The following PLXDC1 variants were observed in gnomAD, a reference collection of about 807,000 sequenced individuals.
PLXDC1 encodes plexin domain containing 1.
PLXDC1 carries 39 observed loss-of-function variants against 61.3 expected under a neutral mutation model. That is an observed-to-expected ratio of 0.64 (90% CI 0.49 to 0.83). The LOEUF (loss-of-function observed/expected upper bound fraction) is 0.83, where lower values mean the gene tolerates loss of function less well. Ranked by LOEUF, PLXDC1 falls within the 40% of genes least tolerant of loss-of-function variation. The pLI is 0.00. For missense variants in PLXDC1, 596 were observed against 666.5 expected (o/e 0.89, Z 1.17); for synonymous variants, 212 against 254.5 (o/e 0.83, Z 1.59).
intron 2 of PLXDC1, among the ~76,000 whole-genome samples, chr17:39,138,842 C>T (rs1245971526): frequency 1.3e-5 from 2 of 152,078 alleles, no homozygotes; most frequent in South Asian, 2.1e-4. Context: ...AATCCACCCT[C>T]ATCACTCCCA....
rs562679214 is a variant in PLXDC1, at chr17:39,106,540, T to C, written c.712-587A>G. On this transcript the variant is annotated intron_variant, in intron 6 of 13. Coordinates refer to ENST00000315392, the MANE Select transcript of PLXDC1 (RefSeq NM_020405.5). ...CTCACTATGTTCTCCAGACTGGTCT[T>C]GAACTTCTGGGTTAAAGCAATCTTC... Among the ~76,000 whole-genome samples the C allele has an allele frequency of 3.9e-5, 6 of 152,132 alleles. No individual in the cohort carries two copies. In the South Asian group the frequency reaches 1.2e-3, roughly 32 times the overall value.
intron 2 of PLXDC1, among the ~76,000 whole-genome samples, chr17:39,135,676 TAAAA>T (rs35762241): frequency 9.6e-6 from 1 of 104,394 alleles, no homozygotes; most frequent in Admixed American, 1.0e-4. Context: ...ACACTCCGTC[TAAAA>T]AAAAAAAAAA....
chr17:39,070,001 A>T lies in PLXDC1; in HGVS notation c.1238T>A (p.Leu413Gln). Residue 413 changes from leucine (L) to glutamine (Q), a missense_variant, in exon 13 of 14, where the codon CTG becomes CAG. Transcript: ENST00000315392. ...AGGAGTGCCCTTTGTCTTGGGGGAC[A>T]GGTTGTTCTGAAGGCCTGTGGAGAG... ...YAGGDGLQNN[L>Q]SPKTKGTPVH... 1.9e-6 allele frequency: 3 copies of T among 1,613,922 alleles called. No individual in the cohort carries two copies. The South Asian group carries it at 3.3e-5, about 18-fold the overall frequency.
At position 39,105,925 on chromosome 17, in the gene PLXDC1, G is replaced by A. The variant is rs1910575872; in HGVS notation, c.740C>T (p.Ser247Phe). Residue 247 changes from serine to phenylalanine, a missense_variant, in exon 7 of 14, where the codon TCC becomes TTC. Physicochemically the swap from Ser to Phe is radical, Grantham distance 155. Coordinates refer to ENST00000315392, the MANE Select transcript of PLXDC1 (RefSeq NM_020405.5). ...EIPMSVPEISSSQHPVKTGLS... is the reference protein window; with the variant it reads ...EIPMSVPEISFSQHPVKTGLS... ...GCCGGTTTTGACAGGATGCTGGGAGGAGCTGATTTCCGGGACAGACATAGG... is the reference window on the plus strand; with the variant it reads ...GCCGGTTTTGACAGGATGCTGGGAGAAGCTGATTTCCGGGACAGACATAGG... 1 of 1,613,984 alleles carries A rather than the reference G, an allele frequency of 6.2e-7. No homozygotes were observed. Among genetic ancestry groups the A allele is most frequent in the Non-Finnish European group, 8.5e-7 (1 of 1,179,864 alleles).
intron 9 of PLXDC1, chr17:39,081,221 T>TGCAAC (rs1909542576): frequency 6.6e-6 from 1 of 152,624 alleles, no homozygotes; most frequent in South Asian, 2.1e-4. Context: ...CAGACTATTC[T>TGCAAC]GCAACGCTCT....
intron 2 of PLXDC1, among the ~76,000 whole-genome samples, chr17:39,118,863 G>C (rs1224712860): frequency 6.6e-6 from 1 of 152,186 alleles, no homozygotes; most frequent in Admixed American, 6.5e-5. Context: ...CAGCAAGAGA[G>C]CTGAGTTGAA....
At chr17:39,089,410 G>A (rs908348650) in intron 7 of PLXDC1, among the ~76,000 whole-genome samples, 4 of 152,150 alleles carry the variant, frequency 2.6e-5, no homozygotes, top group African/African-American at 4.8e-5. Flanking sequence ...CCACAGTACC[G>A]GGCTCATGGG....
intron 7 of PLXDC1, among the ~76,000 whole-genome samples, chr17:39,094,797 C>T (rs893584754): frequency 4.6e-5 from 7 of 152,148 alleles, no homozygotes; most frequent in African/African-American, 7.2e-5. Context: ...CCCAGCCCAC[C>T]ACAAATTACT....
At chr17:39,077,604 T>C (rs1021360954) in intron 11 of PLXDC1, among the ~76,000 whole-genome samples, 6 of 152,212 alleles carry the variant, frequency 3.9e-5, no homozygotes, top group Admixed American at 1.3e-4. Flanking sequence ...AGATAAGGTA[T>C]ATAAAATACC....
At position 39,139,753 on chromosome 17, in the gene PLXDC1, AGGGCTCTCTC is replaced by A. The variant is rs1189424322; in HGVS notation, c.146_155del (p.Arg49LeufsTer12). ...TCCTGTCCGGCTCTGACACATGCCCAGGGCTCTCTCGGGCTCTCCGGTTCCAGCCCCGCAC... is the reference window on the plus strand; with the variant it reads ...TCCTGTCCGGCTCTGACACATGCCCAGGGCTCTCCGGTTCCAGCCCCGCAC... On this transcript the variant is annotated frameshift_variant, in exon 2 of 14. Coordinates refer to ENST00000315392, the MANE Select transcript of PLXDC1 (RefSeq NM_020405.5). LOFTEE classifies it high-confidence loss of function. The A allele has an allele frequency of 6.2e-7, 1 of 1,613,968 alleles. No individual in the cohort carries two copies. Among genetic ancestry groups the A allele is most frequent in the Admixed American group, 1.7e-5 (1 of 60,016 alleles).
At chr17:39,110,686 C>G (rs936470682) in intron 2 of PLXDC1, among the ~76,000 whole-genome samples, 6 of 152,208 alleles carry the variant, frequency 3.9e-5, no homozygotes, top group African/African-American at 1.2e-4. Context: ...GCAGAGTAAA[C>G]GACATTCTCC....
intron 7 of PLXDC1, among the ~76,000 whole-genome samples, chr17:39,099,051 C>T (rs1208265818): frequency 2.0e-5 from 3 of 152,116 alleles, no homozygotes; most frequent in Non-Finnish European, 4.4e-5. Context: ...GAGGACGAGG[C>T]TGGGAGCTGC....
intron 11 of PLXDC1, chr17:39,073,256 GGCTCAA>G (rs1235980659): frequency 6.6e-6 from 1 of 152,000 alleles, no homozygotes; most frequent in African/African-American, 2.4e-5. Context: ...CCAACTCGTG[GGCTCAA>G]GCAATCTTCT....
upstream of PLXDC1, among the ~76,000 whole-genome samples, chr17:39,151,831 G>T (rs1267135718): frequency 6.6e-6 from 1 of 152,106 alleles, no homozygotes; most frequent in Non-Finnish European, 1.5e-5. This position sits in a 1 kb window ranked among gnomAD's most constrained non-coding sequence, Gnocchi z 5.2. Flanking sequence ...GGAGCCCCTC[G>T]GGCTGAGAGA....
intron 3 of PLXDC1, 91 bp from the exon 4 acceptor site, chr17:39,109,064 G>A: frequency 1.6e-6 from 2 of 1,287,552 alleles, no homozygotes; most frequent in South Asian, 2.5e-5. Flanking sequence ...GGACAGAGTG[G>A]GGAGCAGGCA....
rs1908882536 is a variant in PLXDC1 at position 39,065,955 on chromosome 17, G to C, written c.*1885C>G. 6.6e-6 allele frequency: 1 copy of C among 152,304 alleles called. No homozygotes were observed. The highest frequency in any genetic ancestry group is 2.1e-4 in the South Asian group (1 of 4,836). The allele number at this position is 152,304 out of a possible 1,614,324, so 9.4% of individuals were successfully genotyped here. On this transcript the variant is annotated 3_prime_UTR_variant, in exon 14 of 14. Transcript: ENST00000315392. ...CAACCTGGTGTCTTTGGGCATCCTTGCCCTGGGCGACACAGTGAGACCCTG... is the reference window on the plus strand; with the variant it reads ...CAACCTGGTGTCTTTGGGCATCCTTCCCCTGGGCGACACAGTGAGACCCTG...
Position 39,070,130 on chromosome 17 carries a change from T to C in PLXDC1, c.1223-114A>G, listed in dbSNP as rs946317840. On this transcript the variant is annotated intron_variant, in intron 12 of 13. Transcript: ENST00000315392. ...GATGAAAGCCGACAGAGCCTTTGGG[T>C]CCACTTATCCAATACAGGAAGAGGT... 7.2e-6 allele frequency: 5 copies of C among 692,594 alleles called. No individual in the cohort carries two copies. In the East Asian group the frequency reaches 1.1e-4, roughly 15 times the overall value. 42.9% of individuals were successfully genotyped at this position (692,594 alleles called of 1,614,324 possible). A position where few individuals can be genotyped will look rare whatever the true frequency, so the allele number is the denominator to read the frequency against.
chr17:39,113,760 A>C (rs762795562), intron 2 of PLXDC1, among the ~76,000 whole-genome samples: 1 of 151,948 alleles, frequency 6.6e-6, no homozygotes, highest in Non-Finnish European at 1.5e-5. Context: ...CTGAGGCAGG[A>C]GGATCCCTTA....
At chr17:39,110,955 G>A (rs1408138061) in intron 2 of PLXDC1, among the ~76,000 whole-genome samples, 2 of 152,054 alleles carry the variant, frequency 1.3e-5, no homozygotes, top group African/African-American at 4.8e-5. Context: ...TCCTCAGCAC[G>A]GCAGTCAAAC....
Sources: gnomAD v4.1 joint callset for allele counts (sites outside exome capture counted in the v4.1 genomes callset) on GRCh38, gnomAD v4.1.1 for gene constraint, Gnocchi (gnomAD v3.1) non-coding constraint, MANE v1.5 for transcripts, NCBI Gene and HGNC (gene_info 2026-07-23, HGNC 2026-07-21) for gene names.